DOCK10: variants seen among roughly 807,000 people sequenced by gnomAD.
DOCK10 encodes the protein dedicator of cytokinesis protein 10.
A neutral mutation model predicts 280.1 loss-of-function variants in DOCK10; 145 were observed. The observed-to-expected ratio is 0.52, with a 90% CI of 0.45 to 0.59. The LOEUF is 0.59. Ranked by LOEUF, DOCK10 falls within the 20% of genes least tolerant of loss-of-function variation. DOCK10 has a pLI of 0.00. For synonymous variants in DOCK10, 915 were observed against 942.2 expected (o/e 0.97, Z 0.53); for missense variants, 2,368 against 2,651.7 (o/e 0.89, Z 2.35).
At chr2:224,914,969 T>C (rs1000604174) in intron 3 of DOCK10, among the ~76,000 whole-genome samples, 1 of 152,168 alleles carries the variant, frequency 6.6e-6, no homozygotes, top group African/African-American at 2.4e-5. Flanking sequence ...ATTAATTCAT[T>C]AAGTAATTAA....
chr2:225,025,519 AATGAGAAATG>A (rs1689897001), intron 1 of DOCK10, among the ~76,000 whole-genome samples: 1 of 152,248 alleles, frequency 6.6e-6, no homozygotes, highest in South Asian at 2.1e-4. Context: ...TAAAAATTCC[AATGAGAAATG>A]ATAGGTTGTG....
chr2:225,020,476 C>T (rs1689756574), intron 1 of DOCK10, among the ~76,000 whole-genome samples: 2 of 152,072 alleles, frequency 1.3e-5, no homozygotes, highest in Non-Finnish European at 2.9e-5. Flanking sequence ...CAACTCTTCC[C>T]TATATTTTGT....
At chr2:224,831,892 G>A (rs1429078861) in intron 26 of DOCK10, among the ~76,000 whole-genome samples, 1 of 152,164 alleles carries the variant, frequency 6.6e-6, no homozygotes, top group Non-Finnish European at 1.5e-5. Flanking sequence ...AGAGGGTCTT[G>A]GGGTTCCTTA....
intron 2 of DOCK10, among the ~76,000 whole-genome samples, chr2:224,921,112 A>ATATATATATATATATAT (rs1553613961): frequency 7.4e-5 from 4 of 54,414 alleles, no homozygotes; most frequent in African/African-American, 4.7e-4. Context: ...AAAAAAAAAA[A>ATATATATATATATATAT]ATATATATAT....
Position 225,042,338 on chromosome 2 carries a change from G to A in DOCK10, c.37C>T (p.Leu13=). ...GERTRRFTRS[L]LRPGQAAELR... Reference sequence around the variant, plus strand: ...TCGGCCGCCTGCCCAGGTCTCAACAGGCTCCGGGTGAACCTGCGGGTCCGC... The same window carrying A: ...TCGGCCGCCTGCCCAGGTCTCAACAAGCTCCGGGTGAACCTGCGGGTCCGC... The change falls in exon 1 of 56, where the codon CTG becomes TTG. Residue 13 remains leucine, a synonymous_variant. Coordinates refer to ENST00000258390, the MANE Select transcript of DOCK10 (RefSeq NM_014689.3). The surrounding 1 kb of genome is among the most constrained non-coding windows in gnomAD (Gnocchi z 5.1). 1 of 1,324,348 alleles carries A rather than the reference G, an allele frequency of 7.6e-7. No homozygotes were observed. Among genetic ancestry groups the A allele is most frequent in the Non-Finnish European group, 9.7e-7 (1 of 1,034,816 alleles). The allele number at this position is 1,324,348 out of a possible 1,614,324, so 82.0% of individuals were successfully genotyped here. A position where few individuals can be genotyped will look rare whatever the true frequency, so the allele number is the denominator to read the frequency against.
intron 50 of DOCK10, among the ~76,000 whole-genome samples, chr2:224,782,954 G>A (rs968307147): frequency 6.6e-6 from 1 of 152,072 alleles, no homozygotes; most frequent in South Asian, 2.1e-4. Flanking sequence ...TTAAATCTTC[G>A]GAACCTTCAT....
chr2:224,875,795 T>C (rs1031661117), intron 8 of DOCK10, among the ~76,000 whole-genome samples: 3 of 152,188 alleles, frequency 2.0e-5, no homozygotes, highest in African/African-American at 7.2e-5. Flanking sequence ...TGACAAATGA[T>C]TCCCAACATC....
At chr2:225,030,834 C>T (rs144131485) in intron 1 of DOCK10, among the ~76,000 whole-genome samples, 397 of 152,170 alleles carry the variant, frequency 2.6e-3, no homozygotes, top group African/African-American at 8.9e-3. Flanking sequence ...AAATATTATA[C>T]AATTTGTACA....
chr2:225,027,693 G>A (rs1418374493), intron 1 of DOCK10, among the ~76,000 whole-genome samples: 1 of 152,050 alleles, frequency 6.6e-6, no homozygotes, highest in Non-Finnish European at 1.5e-5. Flanking sequence ...AGCTCCCCAA[G>A]GTCTCCCCAG....
intron 1 of DOCK10, among the ~76,000 whole-genome samples, chr2:224,989,231 G>A (rs753420696): frequency 4.6e-5 from 7 of 152,120 alleles, no homozygotes; most frequent in Non-Finnish European, 7.4e-5. Flanking sequence ...CAACTGCCTC[G>A]CAATCTTTGT....
intron 3 of DOCK10, among the ~76,000 whole-genome samples, chr2:224,910,274 A>G (rs1031244359): frequency 6.6e-6 from 1 of 152,206 alleles, no homozygotes; most frequent in African/African-American, 2.4e-5. Context: ...AATCCAGCCA[A>G]TGTTCCTGAA....
chr2:225,004,452 C>A (rs190284577), intron 1 of DOCK10, among the ~76,000 whole-genome samples: 58 of 152,242 alleles, frequency 3.8e-4, no homozygotes, highest in Non-Finnish European at 6.6e-4. Flanking sequence ...GGACTTCTGG[C>A]CTGTAAGAAT....
chr2:224,793,596 C>A, intron 45 of DOCK10, 139 bp from the exon 46 acceptor site: 1 of 585,076 alleles, frequency 1.7e-6, no homozygotes, highest in South Asian at 3.2e-5. Context: ...AAGCAAGGAT[C>A]AATTGTATTT....
chr2:224,908,165 GTT>G (rs1700776767), intron 3 of DOCK10, among the ~76,000 whole-genome samples: 4 of 111,724 alleles, frequency 3.6e-5, no homozygotes, highest in African/African-American at 1.5e-4. Context: ...ATTTAAATGA[GTT>G]GTGTGTGTGT....
In DOCK10 at chr2:224,852,439, G is replaced by A. The variant is rs780830217; in HGVS notation, c.2080C>T (p.Arg694Trp). The A allele has an allele frequency of 1.3e-5, 20 of 1,557,626 alleles. No homozygotes were observed. Among genetic ancestry groups the A allele is most frequent in the Admixed American group, 3.8e-5 (2 of 52,116 alleles). Reference sequence around the variant, plus strand: ...AATTCAATGCACACAGTTATATTCCGTGCCTGAAATTACGGAGAGAAAAAA... The same window carrying A: ...AATTCAATGCACACAGTTATATTCCATGCCTGAAATTACGGAGAGAAAAAA... ...YDSQKCFNKA[R>W]NITVCIEFKN... Residue 694 changes from arginine to tryptophan, a missense_variant, in exon 18 of 56, where the codon CGG (arginine) becomes TGG (tryptophan). Arg to Trp is a moderately radical substitution (Grantham distance 101). Around this residue, in one of 2 missense-constraint regions of DOCK10, gnomAD observed 1,209 missense variants for 1,250.9 expected, o/e 0.97. Transcript: ENST00000258390.
intron 1 of DOCK10, among the ~76,000 whole-genome samples, chr2:224,995,794 G>T (rs1042201654): frequency 3.9e-5 from 6 of 152,172 alleles, no homozygotes; most frequent in African/African-American, 1.2e-4. Context: ...TTGAGAAAAA[G>T]GTATTATATC....
chr2:224,795,106 A>G lies in DOCK10; in HGVS notation c.4939-12T>C, dbSNP rs764421557. On this transcript the variant is annotated splice_polypyrimidine_tract_variant and intron_variant, in intron 44 of 55. Transcript: ENST00000258390. ...GGGAAATTGCTGTTCTTTGGAAAAG[A>G]GAGAGCCTGGGTCATTATCTGTTTA... The G allele has an allele frequency of 5.6e-6, 9 of 1,611,946 alleles. No homozygotes were observed. In the Admixed American group the frequency reaches 1.2e-4, roughly 21 times the overall value.
At chr2:224,955,665 GTC>G (rs1703995017) in intron 1 of DOCK10, among the ~76,000 whole-genome samples, 1 of 152,350 alleles carries the variant, frequency 6.6e-6, no homozygotes, top group South Asian at 2.1e-4. Context: ...TAATGGTAGG[GTC>G]TTGGGTTTGC....
Position 224,844,754 on chromosome 2 carries a change from T to G in DOCK10, c.2567A>C (p.Gln856Pro). The G allele has an allele frequency of 6.3e-6, 10 of 1,584,190 alleles. No homozygotes were observed. Among genetic ancestry groups the G allele is most frequent in the Non-Finnish European group, 4.3e-6 (5 of 1,161,668 alleles). Residue 856 changes from glutamine (Q) to proline (P), a missense_variant and splice_region_variant, in exon 22 of 56, where the codon CAG (glutamine) becomes CCG (proline). Around this residue, in one of 2 missense-constraint regions of DOCK10, gnomAD observed 1,209 missense variants for 1,250.9 expected, o/e 0.97. Coordinates refer to ENST00000258390, the MANE Select transcript of DOCK10 (RefSeq NM_014689.3). ...AGTATTTCAGGTCAACATACTCACCTGAGTATTTACTGTTGATACAACAAA... is the reference window on the plus strand; with the variant it reads ...AGTATTTCAGGTCAACATACTCACCGGAGTATTTACTGTTGATACAACAAA... ...STFVVSTVNT[Q>P]DPHVNAFFQE... is the part of the protein sequence containing the mutation.
Sources: allele counts gnomAD v4.1 joint callset (sites outside exome capture counted in the v4.1 genomes callset), GRCh38; gene constraint gnomAD v4.1.1; regional missense constraint gnomAD v4.1.1; non-coding constraint Gnocchi (gnomAD v3.1); transcripts MANE v1.5; gene names NCBI Gene and HGNC (gene_info 2026-07-23, HGNC 2026-07-21).